The following ATXN3 variants were observed in gnomAD, a reference collection of about 807,000 sequenced individuals.
ATXN3 encodes the protein ataxin-3.
In ATXN3, 28 loss-of-function variants were observed where a neutral mutation model predicts 58.2. That is an observed-to-expected ratio of 0.48 (90% CI 0.36 to 0.66). ATXN3 has a LOEUF of 0.66. Ranked by LOEUF, ATXN3 falls within the 30% of genes least tolerant of loss-of-function variation. The pLI, the probability that ATXN3 is intolerant of heterozygous loss-of-function variation, is 0.00. For missense variants in ATXN3, 321 were observed against 422.1 expected, an observed-to-expected ratio of 0.76 and a Z score of 2.10; for synonymous variants, 113 against 138.5, an observed-to-expected ratio of 0.82 and a Z score of 1.29.
intron 9 of ATXN3, among the ~76,000 whole-genome samples, chr14:92,073,286 G>A (rs1016872456): frequency 5.3e-5 from 8 of 152,232 alleles, no homozygotes; most frequent in African/African-American, 1.9e-4. Context: ...ATGTTCAAGT[G>A]GTACTCAGCA....
At chr14:92,050,316 TA>T (rs1328294761), upstream of ATXN3, 1 of 152,196 alleles carries the variant, frequency 6.6e-6, no homozygotes, top group Non-Finnish European at 1.5e-5. Flanking sequence ...TGAAATTTTT[TA>T]TAATAAAAAG....
In ATXN3 at chr14:92,062,875, T is replaced by C. The variant is rs2057872369; in HGVS notation, c.*1445A>G. 6.6e-6 allele frequency: 1 copy of C among 152,650 alleles called. No individual in the cohort carries two copies. Among genetic ancestry groups the C allele is most frequent in the Non-Finnish European group, 1.5e-5 (1 of 68,042 alleles). The allele number at this position is 152,650 out of a possible 1,614,324, so 9.5% of individuals were successfully genotyped here. ...CACACCAGGAGGGCAATATACCATA[T>C]TATAATTTTCGAAGTTGTCAGCTGA... is the stretch of plus-strand genomic sequence containing the variant. On this transcript the variant is annotated 3_prime_UTR_variant, in exon 11 of 11. Coordinates refer to ENST00000644486, the MANE Select transcript of ATXN3 (RefSeq NM_004993.6).
At chr14:92,053,939 G>GT (rs971997786), downstream of ATXN3, among the ~76,000 whole-genome samples, 82 of 150,356 alleles carry the variant, frequency 5.5e-4, no homozygotes, top group African/African-American at 1.8e-3. Flanking sequence ...CTCCATTTTG[G>GT]TTTTTTTTTC....
intron 9 of ATXN3, among the ~76,000 whole-genome samples, chr14:92,075,976 T>G (rs964699269): frequency 6.6e-6 from 1 of 152,216 alleles, no homozygotes. Flanking sequence ...CTGCACACTT[T>G]CCTCCTCAAT....
intron 9 of ATXN3, among the ~76,000 whole-genome samples, chr14:92,078,907 C>T (rs1222724110): frequency 2.0e-5 from 3 of 151,870 alleles, no homozygotes; most frequent in East Asian, 1.9e-4. Flanking sequence ...GAGATTGGGC[C>T]GGGCTCAGTG....
At chr14:92,055,416 T>C (rs1393295273), downstream of ATXN3, among the ~76,000 whole-genome samples, 1 of 152,188 alleles carries the variant, frequency 6.6e-6, no homozygotes, top group East Asian at 1.9e-4. The surrounding 1 kb of genome is among the most constrained non-coding windows in gnomAD (Gnocchi z 4.5). Flanking sequence ...CGGCATTAAG[T>C]ACATTCACGT....
chr14:92,068,436 T>C (rs750845168), intron 10 of ATXN3, among the ~76,000 whole-genome samples: 2 of 152,018 alleles, frequency 1.3e-5, no homozygotes, highest in Non-Finnish European at 2.9e-5. Context: ...TTTCATGGGG[T>C]TTTCTCTTGG....
upstream of ATXN3, among the ~76,000 whole-genome samples, chr14:92,051,830 C>T (rs1476729210): frequency 2.1e-5 from 3 of 141,670 alleles, no homozygotes; most frequent in Admixed American, 7.7e-5. Flanking sequence ...CAGGTTCAAG[C>T]GGTTCTCCTG....
rs985853416 is a variant in ATXN3 at position 92,096,547 on chromosome 14, C to T, written c.189+127G>A. 9 of 993,428 alleles carry T rather than the reference C, an allele frequency of 9.1e-6. No homozygotes were observed. In the South Asian group the frequency reaches 1.3e-4, roughly 15 times the overall value. The allele number at this position is 993,428 out of a possible 1,614,324, so 61.5% of individuals were successfully genotyped here. On this transcript the variant is annotated intron_variant, in intron 2 of 10. Coordinates refer to ENST00000644486, the MANE Select transcript of ATXN3 (RefSeq NM_004993.6). ...GCTGAGGCAGGAGAATCGCTTGAAC[C>T]CGGGAGGCAGAGGTTGCAGTGAGCC...
At chr14:92,069,083 C>G (rs1189613183) in intron 10 of ATXN3, among the ~76,000 whole-genome samples, 1 of 142,510 alleles carries the variant, frequency 7.0e-6, no homozygotes. Flanking sequence ...ATGCTATAAT[C>G]TTTTTTTTTT....
At chr14:92,055,242 C>T (rs1438752374), downstream of ATXN3, among the ~76,000 whole-genome samples, 3 of 152,072 alleles carry the variant, frequency 2.0e-5, no homozygotes, top group African/African-American at 7.2e-5. The surrounding 1 kb of genome is among the most constrained non-coding windows in gnomAD (Gnocchi z 4.5). Context: ...CTCCTGGTCC[C>T]TGTGTTCTTG....
At chr14:92,072,318 G>T (rs191679404) in intron 9 of ATXN3, among the ~76,000 whole-genome samples, 1 of 152,200 alleles carries the variant, frequency 6.6e-6, no homozygotes, top group Non-Finnish European at 1.5e-5. Flanking sequence ...GGGGAATCTG[G>T]GTGAAGGATA....
chr14:92,103,432 A>G (rs2067331582), intron 1 of ATXN3, among the ~76,000 whole-genome samples: 1 of 152,164 alleles, frequency 6.6e-6, no homozygotes, highest in South Asian at 2.1e-4. Context: ...TATCCATTCA[A>G]ATATATACAT....
intron 10 of ATXN3, among the ~76,000 whole-genome samples, chr14:92,067,206 A>AT (rs1566911663): frequency 6.6e-6 from 1 of 151,948 alleles, no homozygotes; most frequent in South Asian, 2.1e-4. Context: ...CGAGATCTTC[A>AT]TTTTTTGTCT....
chr14:92,092,860 T>A (rs1250086835), intron 5 of ATXN3, among the ~76,000 whole-genome samples: 2 of 77,490 alleles, frequency 2.6e-5, no homozygotes, highest in African/African-American at 1.2e-4. Context: ...TTTAAATATA[T>A]TTTTTTTATT....
chr14:92,093,387 A>G, intron 4 of ATXN3, 69 bp from the exon 5 acceptor site: 2 of 761,694 alleles, frequency 2.6e-6, no homozygotes, highest in Non-Finnish European at 4.2e-6. Context: ...ACTGGCAAAT[A>G]TTATATAAAA....
rs112197978 is a variant in ATXN3, at chr14:92,076,871, C to T, written c.872+4094G>A. ...AGAATAATCGCTTAAACTCAGGAGG[C>T]GGAGGTTGCAGTGAGCCGAGATCAT... On this transcript the variant is annotated intron_variant, in intron 9 of 10. Coordinates refer to ENST00000644486, the MANE Select transcript of ATXN3 (RefSeq NM_004993.6). Among the ~76,000 whole-genome samples, 257 of 133,696 alleles carry T rather than the reference C, an allele frequency of 1.9e-3. 1 individual carries two copies. The highest frequency in any genetic ancestry group is 7.1e-3 in the African/African-American group (248 of 34,764). The allele number at this position is 133,696 out of a possible 152,430, so 87.7% of individuals were successfully genotyped here. A position where few individuals can be genotyped will look rare whatever the true frequency, so the allele number is the denominator to read the frequency against.
chr14:92,081,973 T>C (rs1458714623), intron 8 of ATXN3, among the ~76,000 whole-genome samples: 1 of 152,236 alleles, frequency 6.6e-6, no homozygotes, highest in Non-Finnish European at 1.5e-5. Context: ...CCATAGTGTC[T>C]AATGGCACAT....
intron 9 of ATXN3, among the ~76,000 whole-genome samples, chr14:92,073,193 T>G (rs1368948917): frequency 6.6e-6 from 1 of 152,230 alleles, no homozygotes; most frequent in Non-Finnish European, 1.5e-5. Flanking sequence ...CTACTTTTAG[T>G]TTATGAAAAA....
Sources: allele counts gnomAD v4.1 joint callset (sites outside exome capture counted in the v4.1 genomes callset), GRCh38; gene constraint gnomAD v4.1.1; non-coding constraint Gnocchi (gnomAD v3.1); transcripts MANE v1.5; gene names NCBI Gene and HGNC (gene_info 2026-07-23, HGNC 2026-07-21).